The following ROBO2 variants were observed in gnomAD, a reference collection of about 807,000 sequenced individuals.
The protein encoded by ROBO2 is roundabout guidance receptor 2, also known as roundabout homolog 2.
Under a neutral mutation model 160.8 loss-of-function variants are expected in ROBO2, and 53 were observed. The observed-to-expected ratio is 0.33, with a 90% CI of 0.26 to 0.41. ROBO2 has a LOEUF of 0.41. ROBO2 is among the 10% of genes least tolerant of loss of function. The pLI, the probability that ROBO2 is intolerant of heterozygous loss-of-function variation, is 1.00. For synonymous variants in ROBO2, 664 were observed against 611.7 expected (o/e 1.09, Z -1.26); for missense variants, 1,577 against 1,722.4 (o/e 0.92, Z 1.49).
intron 2 of ROBO2, among the ~76,000 whole-genome samples, chr3:76,645,063 C>T (rs1410251990): frequency 6.6e-6 from 1 of 152,152 alleles, no homozygotes; most frequent in East Asian, 1.9e-4. Context: ...TGTGTACAGG[C>T]TCTGTGCTCC....
chr3:76,334,169 A>G (rs1334964964), intron 2 of ROBO2, among the ~76,000 whole-genome samples: 6 of 152,174 alleles, frequency 3.9e-5, no homozygotes, highest in Non-Finnish European at 7.3e-5. Flanking sequence ...TACATATAAA[A>G]GAAGCCTAGC....
intron 2 of ROBO2, among the ~76,000 whole-genome samples, chr3:76,152,608 C>G (rs1559596523): frequency 6.6e-6 from 1 of 152,024 alleles, no homozygotes; most frequent in Non-Finnish European, 1.5e-5. Flanking sequence ...TTAGAGTTCT[C>G]TTTGCAATTC....
At chr3:76,479,541 C>T (rs2079103126) in intron 2 of ROBO2, among the ~76,000 whole-genome samples, 1 of 152,142 alleles carries the variant, frequency 6.6e-6, no homozygotes, top group South Asian at 2.1e-4. Context: ...ATATTTCCAG[C>T]TTATACTGAA....
At chr3:76,586,472 C>T (rs1483416178) in intron 2 of ROBO2, among the ~76,000 whole-genome samples, 1 of 152,096 alleles carries the variant, frequency 6.6e-6, no homozygotes, top group Non-Finnish European at 1.5e-5. Context: ...CAGTGCCATC[C>T]AATAGAAATG....
At chr3:77,602,073 C>A in intron 19 of ROBO2, 137 bp from the exon 21 acceptor site, 1 of 853,250 alleles carries the variant, frequency 1.2e-6, no homozygotes, top group African/African-American at 1.7e-5. Context: ...ATCATCTACC[C>A]TTCAGTGGCT....
At chr3:76,616,376 C>G (rs1468427859) in intron 2 of ROBO2, among the ~76,000 whole-genome samples, 1 of 152,174 alleles carries the variant, frequency 6.6e-6, no homozygotes, top group Non-Finnish European at 1.5e-5. Flanking sequence ...CTTTGGATAT[C>G]TCCCTTCTGA....
chr3:76,197,264 C>T (rs113838766), intron 2 of ROBO2, among the ~76,000 whole-genome samples: 1 of 148,768 alleles, frequency 6.7e-6, no homozygotes, highest in Non-Finnish European at 1.5e-5. Context: ...TAATCAATCT[C>T]TCTATAGATT....
intron 2 of ROBO2, among the ~76,000 whole-genome samples, chr3:76,072,422 T>C (rs1173241215): frequency 6.6e-6 from 1 of 152,160 alleles, no homozygotes; most frequent in Non-Finnish European, 1.5e-5. Flanking sequence ...TATTTTATTT[T>C]TACTTCATAT....
At chr3:76,278,379 T>A (rs1436745625) in intron 2 of ROBO2, among the ~76,000 whole-genome samples, 1 of 152,008 alleles carries the variant, frequency 6.6e-6, no homozygotes, top group Non-Finnish European at 1.5e-5. Context: ...CCCAGGTACA[T>A]TTCGGTCTAG....
At chr3:76,736,552 A>G (rs1169954336) in intron 2 of ROBO2, among the ~76,000 whole-genome samples, 1 of 152,228 alleles carries the variant, frequency 6.6e-6, no homozygotes, top group African/African-American at 2.4e-5. Context: ...TTTGTTTGGA[A>G]CATGTGCTTT....
intron 2 of ROBO2, among the ~76,000 whole-genome samples, chr3:77,005,159 C>G (rs927608948): frequency 1.3e-5 from 2 of 152,194 alleles, no homozygotes; most frequent in African/African-American, 4.8e-5. Flanking sequence ...AACCTCTCCC[C>G]ATTCAAATGG....
intron 2 of ROBO2, among the ~76,000 whole-genome samples, chr3:76,051,029 C>T (rs572456801): frequency 1.3e-5 from 2 of 152,162 alleles, no homozygotes; most frequent in East Asian, 3.9e-4. Context: ...GAGTTTTCTT[C>T]TGTTCTTTCA....
At chr3:75,974,197 A>C (rs2065074274) in intron 2 of ROBO2, among the ~76,000 whole-genome samples, 1 of 151,636 alleles carries the variant, frequency 6.6e-6, no homozygotes, top group Non-Finnish European at 1.5e-5. Flanking sequence ...AGAGCGTGAA[A>C]GAAGCAATAT....
At chr3:77,047,404 G>A (rs953262196) in intron 1 of ROBO2, among the ~76,000 whole-genome samples, 28 of 152,116 alleles carry the variant, frequency 1.8e-4, no homozygotes, top group African/African-American at 6.5e-4. Context: ...CGATATATAG[G>A]CAGGGCATGG....
intron 8 of ROBO2, among the ~76,000 whole-genome samples, chr3:77,552,944 G>A (rs1435127140): frequency 6.6e-6 from 1 of 151,892 alleles, no homozygotes; most frequent in African/African-American, 2.4e-5. Context: ...GAATTGTAGA[G>A]CCATTTGAAA....
At chr3:76,666,940 CTA>C (rs1187807958) in intron 2 of ROBO2, among the ~76,000 whole-genome samples, 7 of 144,924 alleles carry the variant, frequency 4.8e-5, no homozygotes, top group Admixed American at 4.4e-4. Flanking sequence ...ATTTCTATGT[CTA>C]TATATATATT....
At chr3:76,689,796 C>T (rs1327912371) in intron 2 of ROBO2, among the ~76,000 whole-genome samples, 1 of 152,102 alleles carries the variant, frequency 6.6e-6, no homozygotes, top group African/African-American at 2.4e-5. Context: ...CTTTTTTCCT[C>T]TTTGCCCATC....
intron 2 of ROBO2, among the ~76,000 whole-genome samples, chr3:76,777,983 A>C (rs2062386496): frequency 6.6e-6 from 1 of 151,124 alleles, no homozygotes; most frequent in Non-Finnish European, 1.5e-5. Context: ...GAGAATCACC[A>C]TTCTAGGATG....
At chr3:76,274,886 A>G (rs1288554299) in intron 2 of ROBO2, among the ~76,000 whole-genome samples, 1 of 152,062 alleles carries the variant, frequency 6.6e-6, no homozygotes, top group Non-Finnish European at 1.5e-5. Context: ...TTATTTAATC[A>G]TATACCCAAA....
Sources: gnomAD v4.1 joint callset for allele counts (sites outside exome capture counted in the v4.1 genomes callset) on GRCh38, gnomAD v4.1.1 for gene constraint, MANE v1.5 for transcripts, NCBI Gene and HGNC (gene_info 2026-07-23, HGNC 2026-07-21) for gene names.